LRBA: variants seen among roughly 807,000 people sequenced by gnomAD.
The protein encoded by LRBA is LPS responsive beige-like anchor protein, also known as lipopolysaccharide-responsive and beige-like anchor protein.
A neutral mutation model predicts 330.0 loss-of-function variants in LRBA; 176 were observed. The observed-to-expected ratio is 0.53, with a 90% CI of 0.47 to 0.60. The LOEUF is 0.60. Among genes scored for constraint, LRBA ranks in the 20% least tolerant of loss-of-function variants. LRBA has a pLI of 0.00. For synonymous variants in LRBA, 1,230 were observed against 1,193.0 expected, an observed-to-expected ratio of 1.03 and a Z score of -0.64; for missense variants, 3,259 against 3,444.8, an observed-to-expected ratio of 0.95 and a Z score of 1.35.
intron 36 of LRBA, among the ~76,000 whole-genome samples, chr4:150,700,524 TATTACTGTATACTACTGTAGAC>T (rs1271601037): frequency 9.9e-5 from 15 of 152,196 alleles, no homozygotes; most frequent in Non-Finnish European, 1.8e-4. Flanking sequence ...AGGTCTAGGA[TATTACTGTATACTACTGTAGAC>T]TTTATAAACC....
At chr4:150,811,505 T>G (rs1743728943) in intron 31 of LRBA, among the ~76,000 whole-genome samples, 1 of 152,050 alleles carries the variant, frequency 6.6e-6, no homozygotes, top group Non-Finnish European at 1.5e-5. Flanking sequence ...ATTGGGTTTT[T>G]TGTTTTTTGT....
At chr4:150,996,377 T>C (rs192886756) in intron 2 of LRBA, among the ~76,000 whole-genome samples, 2 of 152,260 alleles carry the variant, frequency 1.3e-5, no homozygotes, top group Non-Finnish European at 1.5e-5. Context: ...GACTAAGGTA[T>C]TGCCTAAAAA....
intron 37 of LRBA, among the ~76,000 whole-genome samples, chr4:150,612,945 A>G (rs1267090463): frequency 6.6e-6 from 1 of 152,190 alleles, no homozygotes; most frequent in African/African-American, 2.4e-5. Flanking sequence ...AGAAGAGGCC[A>G]ATTTTCAATT....
chr4:150,692,595 C>T (rs1048654180), intron 36 of LRBA, among the ~76,000 whole-genome samples: 4 of 152,070 alleles, frequency 2.6e-5, no homozygotes, highest in African/African-American at 9.7e-5. Context: ...AAAATAGGCT[C>T]ATATAGCAAA....
At chr4:150,883,781 T>C (rs1181696939) in intron 17 of LRBA, among the ~76,000 whole-genome samples, 1 of 152,228 alleles carries the variant, frequency 6.6e-6, no homozygotes, top group Non-Finnish European at 1.5e-5. Flanking sequence ...TGAATTTAAA[T>C]GGGACTAAAT....
chr4:150,587,729 A>G (rs1053830241), intron 40 of LRBA, among the ~76,000 whole-genome samples: 2 of 152,098 alleles, frequency 1.3e-5, no homozygotes, highest in African/African-American at 2.4e-5. Context: ...ATCTCACTGA[A>G]TTTTGTATCT....
chr4:150,679,335 A>G (rs1582022352), intron 37 of LRBA, among the ~76,000 whole-genome samples: 1 of 152,214 alleles, frequency 6.6e-6, no homozygotes, highest in African/African-American at 2.4e-5. Flanking sequence ...TTAAAATGAC[A>G]TACTACAAGA....
intron 36 of LRBA, among the ~76,000 whole-genome samples, chr4:150,685,335 C>T (rs1783446378): frequency 7.9e-6 from 1 of 126,528 alleles, no homozygotes; most frequent in African/African-American, 3.0e-5. Context: ...GTTCCTTACA[C>T]CAAAAGCAAT....
chr4:150,418,036 T>G (rs958041649), intron 46 of LRBA, among the ~76,000 whole-genome samples: 3 of 150,740 alleles, frequency 2.0e-5, no homozygotes, highest in Non-Finnish European at 4.4e-5. Flanking sequence ...TTTTTTTTGG[T>G]TAAGAGACAG....
At chr4:150,927,038 G>T (rs187463071) in intron 4 of LRBA, among the ~76,000 whole-genome samples, 19,610 of 148,712 alleles carry the variant, frequency 0.13, 1,962 homozygotes, top group African/African-American at 0.27. Context: ...ACCACTGGAC[G>T]TTAGCCTGGC....
In LRBA at chr4:150,321,443, G is replaced by T; in HGVS notation, c.7453-75C>A. 1 of 1,265,496 alleles carries T rather than the reference G, an allele frequency of 7.9e-7. No homozygotes were observed. The allele number at this position is 1,265,496 out of a possible 1,614,324, so 78.4% of individuals were successfully genotyped here. ...AGAAGGAAAAGATGAAGAAAGACAA[G>T]AAAGAGAGGGGGTGCAGGAAAAGAA... On this transcript the variant is annotated intron_variant, in intron 49 of 56. Coordinates refer to ENST00000651943, the MANE Select transcript of LRBA (RefSeq NM_001364905.1). This position sits in a 1 kb window ranked among gnomAD's most constrained non-coding sequence, Gnocchi z 4.5.
At chr4:150,444,317 A>G (rs149630568) in intron 44 of LRBA, among the ~76,000 whole-genome samples, 3 of 152,084 alleles carry the variant, frequency 2.0e-5, no homozygotes, top group Non-Finnish European at 2.9e-5. Flanking sequence ...GAAGCCAATG[A>G]ATTTGATTCC....
At chr4:150,342,709 T>C (rs556303662) in intron 48 of LRBA, among the ~76,000 whole-genome samples, 8 of 152,284 alleles carry the variant, frequency 5.3e-5, no homozygotes, top group African/African-American at 9.6e-5. Context: ...CATTATAAAA[T>C]GGAAACTTTC....
At chr4:150,894,304 G>T (rs1468060305) in intron 16 of LRBA, among the ~76,000 whole-genome samples, 1 of 152,114 alleles carries the variant, frequency 6.6e-6, no homozygotes, top group Non-Finnish European at 1.5e-5. Flanking sequence ...TGTGGGAAAT[G>T]ATAACCGGAT....
chr4:150,677,804 TA>T (rs1020996025), intron 37 of LRBA, among the ~76,000 whole-genome samples: 140 of 122,428 alleles, frequency 1.1e-3, no homozygotes, highest in African/African-American at 2.1e-3. Flanking sequence ...TCCCATGTCT[TA>T]AAAAAAAAAA....
At chr4:150,942,645 A>G (rs1479263341) in intron 2 of LRBA, among the ~76,000 whole-genome samples, 3 of 152,176 alleles carry the variant, frequency 2.0e-5, no homozygotes, top group Non-Finnish European at 2.9e-5. Flanking sequence ...CAGTTTCAGC[A>G]ATATTATCAA....
In LRBA at chr4:150,405,645, A is replaced by AAT. The variant is rs748759608; in HGVS notation, c.7194+9791_7194+9792dup. ...GCATAGTAGGCTTATATATAAATGT[A>AAT]ATATATATATATAAATAATAGCACA... On this transcript the variant is annotated intron_variant, in intron 47 of 56. Coordinates refer to ENST00000651943, the MANE Select transcript of LRBA (RefSeq NM_001364905.1). Among the ~76,000 whole-genome samples, 48 of 151,624 alleles carry AAT rather than the reference A, an allele frequency of 3.2e-4. No individual in the cohort carries two copies. In the East Asian group the frequency reaches 4.4e-3, roughly 14 times the overall value.
chr4:150,597,960 C>T (rs1170422399), intron 38 of LRBA, among the ~76,000 whole-genome samples: 1 of 152,056 alleles, frequency 6.6e-6, no homozygotes, highest in African/African-American at 2.4e-5. Context: ...TATCTGATGA[C>T]ATATTGTGGA....
chr4:150,434,764 T>A (rs1376122275), intron 46 of LRBA, among the ~76,000 whole-genome samples: 3 of 151,708 alleles, frequency 2.0e-5, no homozygotes, highest in Non-Finnish European at 4.4e-5. Context: ...GGCAGGAGGA[T>A]CACTTGAGCC....
Sources: gnomAD v4.1 joint callset for allele counts (sites outside exome capture counted in the v4.1 genomes callset) on GRCh38, gnomAD v4.1.1 for gene constraint, Gnocchi (gnomAD v3.1) non-coding constraint, MANE v1.5 for transcripts, NCBI Gene and HGNC (gene_info 2026-07-23, HGNC 2026-07-21) for gene names.